Variants in RPS6KA2 observed in about 807,000 individuals in gnomAD.
RPS6KA2 encodes the protein ribosomal protein S6 kinase alpha-2.
A neutral mutation model predicts 91.8 loss-of-function variants in RPS6KA2; 42 were observed. The observed-to-expected ratio is 0.46, with a 90% CI of 0.36 to 0.59. The LOEUF (loss-of-function observed/expected upper bound fraction) is 0.59, where lower values mean the gene tolerates loss of function less well. Ranked by LOEUF, RPS6KA2 falls within the 20% of genes least tolerant of loss-of-function variation. The pLI, the probability that RPS6KA2 is intolerant of heterozygous loss-of-function variation, is 0.00. For missense variants in RPS6KA2, 798 were observed against 978.5 expected, an observed-to-expected ratio of 0.82 and a Z score of 2.46; for synonymous variants, 414 against 393.6, an observed-to-expected ratio of 1.05 and a Z score of -0.61.
intron 10 of RPS6KA2, among the ~76,000 whole-genome samples, chr6:166,475,402 G>T (rs531655927): frequency 2.0e-5 from 3 of 152,190 alleles, no homozygotes; most frequent in Non-Finnish European, 4.4e-5. Context: ...TGGGGACATT[G>T]CAGAGTCACA....
At chr6:166,413,627 C>G (rs1016784628) in intron 20 of RPS6KA2, among the ~76,000 whole-genome samples, 167 bp downstream of exon 20, 1 of 152,210 alleles carries the variant, frequency 6.6e-6, no homozygotes, top group Non-Finnish European at 1.5e-5. Flanking sequence ...CAATACTGCA[C>G]GTGTCTGGTG....
chr6:166,769,125 C>A (rs997623968), intron 2 of RPS6KA2, among the ~76,000 whole-genome samples: 6 of 152,190 alleles, frequency 3.9e-5, no homozygotes, highest in African/African-American at 1.4e-4. Flanking sequence ...CAGCACCCAC[C>A]AGACCAATGG....
chr6:166,449,874 CGGACCACCATGGGACAACCACGA>C (rs1451015927), intron 13 of RPS6KA2, among the ~76,000 whole-genome samples: 101 of 122,754 alleles, frequency 8.2e-4, no homozygotes, highest in East Asian at 4.5e-3. Context: ...AACCACCACG[CGGACCACCATGGGACAACCACGA>C]GGACCACCAT....
intron 2 of RPS6KA2, among the ~76,000 whole-genome samples, chr6:166,845,188 A>G (rs1306301213): frequency 6.6e-6 from 1 of 152,226 alleles, no homozygotes; most frequent in African/African-American, 2.4e-5. Flanking sequence ...TATGCACCTA[A>G]CATTGGAGCT....
chr6:166,609,049 G>A (rs1379626373), intron 1 of RPS6KA2, among the ~76,000 whole-genome samples: 4 of 152,170 alleles, frequency 2.6e-5, no homozygotes, highest in East Asian at 1.9e-4. Context: ...CTGAGAGAGA[G>A]CAAGGGGTTC....
chr6:166,831,446 C>CT (rs978001530), intron 2 of RPS6KA2, among the ~76,000 whole-genome samples: 2 of 151,964 alleles, frequency 1.3e-5, no homozygotes, highest in Non-Finnish European at 2.9e-5. Flanking sequence ...AGCATGACAC[C>CT]TTCCCCCCTG....
At chr6:166,551,195 T>C (rs540640763) in intron 1 of RPS6KA2, among the ~76,000 whole-genome samples, 1 of 152,270 alleles carries the variant, frequency 6.6e-6, no homozygotes, top group Non-Finnish European at 1.5e-5. Flanking sequence ...TTGTAATGTA[T>C]GTGTGTGTTG....
intron 1 of RPS6KA2, among the ~76,000 whole-genome samples, chr6:166,548,867 C>T (rs1783909158): frequency 6.6e-6 from 1 of 152,180 alleles, no homozygotes; most frequent in Non-Finnish European, 1.5e-5. Flanking sequence ...TTTTGCTTTG[C>T]AAAGACTCTG....
At position 166,611,495 on chromosome 6, in the gene RPS6KA2, C is replaced by T. The variant is rs541470269; in HGVS notation, c.99+15426G>A. On this transcript the variant is annotated intron_variant, in intron 1 of 20. Coordinates refer to ENST00000265678, the MANE Select transcript of RPS6KA2 (RefSeq NM_021135.6). ...CCTCATCTAGGCAAAAGGTATATAA[C>T]ATACTTATCCTCAGGCAAGCTTCTT... Among the ~76,000 whole-genome samples, 191 of 152,326 alleles carry T rather than the reference C, an allele frequency of 1.3e-3. 1 individual carries two copies. Among genetic ancestry groups the T allele is most frequent in the Non-Finnish European group, 2.1e-3 (144 of 68,036 alleles).
At position 166,483,229 on chromosome 6, in the gene RPS6KA2, T is replaced by C. The variant is rs375989196; in HGVS notation, c.907+5604A>G. On this transcript the variant is annotated intron_variant, in intron 10 of 20. Coordinates refer to ENST00000265678, the MANE Select transcript of RPS6KA2 (RefSeq NM_021135.6). ...GAGCTGGAAGGAACTGCAGGGACCA[T>C]CAACCCCACCTTCATTTCCCAGAGA... Among the ~76,000 whole-genome samples, 5 of 152,282 alleles carry C rather than the reference T, an allele frequency of 3.3e-5. No homozygotes were observed. In the East Asian group the frequency reaches 7.7e-4, roughly 24 times the overall value.
intron 10 of RPS6KA2, among the ~76,000 whole-genome samples, chr6:166,487,004 T>C (rs1781437098): frequency 6.6e-6 from 1 of 152,268 alleles, no homozygotes; most frequent in Admixed American, 6.5e-5. Context: ...GGACGTTTCA[T>C]AATTGATTCA....
intron 2 of RPS6KA2, among the ~76,000 whole-genome samples, chr6:166,717,381 T>C (rs1402981401): frequency 1.3e-5 from 2 of 152,152 alleles, no homozygotes; most frequent in Non-Finnish European, 2.9e-5. Context: ...AGCCACAGCC[T>C]GGAGGAATGG....
chr6:166,566,014 C>T (rs367903111), intron 1 of RPS6KA2, among the ~76,000 whole-genome samples: 284 of 152,324 alleles, frequency 1.9e-3, no homozygotes, highest in Middle Eastern at 6.8e-3. Flanking sequence ...AGAAGAGACA[C>T]ATGAAACTTG....
At chr6:166,590,641 T>C (rs1297838088) in intron 1 of RPS6KA2, among the ~76,000 whole-genome samples, 1 of 152,182 alleles carries the variant, frequency 6.6e-6, no homozygotes, top group Non-Finnish European at 1.5e-5. Context: ...CGCACGTGCA[T>C]AACTGAAAGC....
At chr6:166,522,565 A>G (rs1280146148) in intron 3 of RPS6KA2, among the ~76,000 whole-genome samples, 1 of 152,244 alleles carries the variant, frequency 6.6e-6, no homozygotes, top group Non-Finnish European at 1.5e-5. Flanking sequence ...ACTTACCAGC[A>G]CTGGAGAGTG....
intron 2 of RPS6KA2, among the ~76,000 whole-genome samples, chr6:166,850,304 TATCTATGGGAGAAA>T (rs1002830269): frequency 1.3e-5 from 2 of 149,506 alleles, no homozygotes; most frequent in Admixed American, 1.3e-4. Context: ...CACACAGCAT[TATCTATGGGAGAAA>T]ATCCACTCAA....
rs952789978 is a variant in RPS6KA2 at position 166,858,026 on chromosome 6, T to C, written c.123+174A>G. On this transcript the variant is annotated intron_variant, in intron 2 of 21. Transcript: ENST00000503859. ...GAGATTACCGAATATAATAAGCACA[T>C]GATATGTACATATGCATATATACAC... The C allele has an allele frequency of 3.1e-5, 18 of 585,126 alleles. No individual in the cohort carries two copies. The South Asian group carries it at 4.0e-4, about 13-fold the overall frequency. 36.2% of individuals were successfully genotyped at this position (585,126 alleles called of 1,614,324 possible).
chr6:166,531,010 C>T (rs564151545), intron 3 of RPS6KA2, among the ~76,000 whole-genome samples: 6 of 152,322 alleles, frequency 3.9e-5, no homozygotes, highest in South Asian at 2.1e-4. Flanking sequence ...ATGGTATTTA[C>T]GCAATACAGC....
chr6:166,495,704 C>T lies in RPS6KA2; in HGVS notation c.747+2804G>A, dbSNP rs543714889. 1.1e-4 allele frequency among the ~76,000 whole-genome samples: 17 copies of T among 152,202 alleles called. No homozygotes were observed. Among genetic ancestry groups the T allele is most frequent in the Admixed American group, 2.0e-4 (3 of 15,286 alleles). On this transcript the variant is annotated intron_variant, in intron 8 of 20. Coordinates refer to ENST00000265678, the MANE Select transcript of RPS6KA2 (RefSeq NM_021135.6). This position sits in a 1 kb window ranked among gnomAD's most constrained non-coding sequence, Gnocchi z 4.4. ...GGTGACTGGTGTTTAAGAAACTCCA[C>T]GTGCCAGGAGACACTCACAGAGACA... is the stretch of plus-strand genomic sequence containing the variant.
Sources: allele counts gnomAD v4.1 joint callset (sites outside exome capture counted in the v4.1 genomes callset), GRCh38; gene constraint gnomAD v4.1.1; non-coding constraint Gnocchi (gnomAD v3.1); transcripts MANE v1.5; gene names NCBI Gene and HGNC (gene_info 2026-07-23, HGNC 2026-07-21).